Variants in SCAMP1 observed in about 807,000 individuals in gnomAD.
SCAMP1 encodes the protein secretory carrier membrane protein 1, also known as secretory carrier-associated membrane protein 1.
Under a neutral mutation model 41.8 loss-of-function variants are expected in SCAMP1, and 15 were observed. The observed-to-expected ratio is 0.36, with a 90% CI of 0.24 to 0.55. SCAMP1 has a LOEUF of 0.55. Among genes scored for constraint, SCAMP1 ranks in the 20% least tolerant of loss-of-function variants. The pLI, the probability that SCAMP1 is intolerant of heterozygous loss-of-function variation, is 0.86. For missense variants in SCAMP1, 341 were observed against 412.6 expected, an observed-to-expected ratio of 0.83 and a Z score of 1.50; for synonymous variants, 135 against 136.8, an observed-to-expected ratio of 0.99 and a Z score of 0.09.
intron 2 of SCAMP1, among the ~76,000 whole-genome samples, chr5:78,414,663 A>G (rs1752165444): frequency 6.6e-6 from 1 of 152,236 alleles, no homozygotes; most frequent in South Asian, 2.1e-4. Context: ...ATGTATATAC[A>G]GTAATTTAAC....
At chr5:78,451,381 A>G (rs1753221748) in intron 7 of SCAMP1, among the ~76,000 whole-genome samples, 1 of 152,234 alleles carries the variant, frequency 6.6e-6, no homozygotes, top group South Asian at 2.1e-4. Context: ...TATAAATACC[A>G]AGATCTTGAC....
intron 6 of SCAMP1, 116 bp downstream of exon 6, chr5:78,422,076 TAAC>T: frequency 1.2e-6 from 1 of 854,958 alleles, no homozygotes; most frequent in Non-Finnish European, 1.8e-6. Context: ...TATTGTTGTG[TAAC>T]ATACCTTCAG....
At chr5:78,396,744 A>T (rs1294513592) in intron 2 of SCAMP1, among the ~76,000 whole-genome samples, 1 of 152,182 alleles carries the variant, frequency 6.6e-6, no homozygotes, top group East Asian at 1.9e-4. Flanking sequence ...AATAAAGGAG[A>T]CTGAGAAGAA....
At chr5:78,364,815 A>G (rs1476621153) in intron 1 of SCAMP1, among the ~76,000 whole-genome samples, 1 of 143,944 alleles carries the variant, frequency 6.9e-6, no homozygotes, top group Non-Finnish European at 1.5e-5. Flanking sequence ...GTTCTCACTC[A>G]TAGGTGGGAA....
At chr5:78,474,644 A>G (rs1370510597) in intron 8 of SCAMP1, among the ~76,000 whole-genome samples, 1 of 152,136 alleles carries the variant, frequency 6.6e-6, no homozygotes, top group Non-Finnish European at 1.5e-5. Flanking sequence ...CTTTGATTGC[A>G]TTCCAGTCAA....
chr5:78,459,582 A>G (rs192189802), intron 8 of SCAMP1, among the ~76,000 whole-genome samples: 1 of 152,300 alleles, frequency 6.6e-6, no homozygotes, highest in African/African-American at 2.4e-5. Flanking sequence ...TTTTAAAATC[A>G]TTTTAACTGA....
At chr5:78,378,238 A>G (rs906340939) in intron 1 of SCAMP1, among the ~76,000 whole-genome samples, 2 of 152,248 alleles carry the variant, frequency 1.3e-5, no homozygotes, top group Non-Finnish European at 2.9e-5. Context: ...TAGCTGTACA[A>G]TAATCATCCA....
At chr5:78,460,816 C>CTTTCTTTCTTTCTTTCTTTCTTTTCTTT (rs1325107681) in intron 8 of SCAMP1, among the ~76,000 whole-genome samples, 1 of 26,746 alleles carries the variant, frequency 3.7e-5, no homozygotes, top group East Asian at 8.3e-4. Flanking sequence ...TCCCTTCCTT[C>CTTTCTTTCTTTCTTTCTTTCTTTTCTTT]CTTCCTTTCT....
chr5:78,452,960 T>A (rs917699289), intron 7 of SCAMP1, among the ~76,000 whole-genome samples: 127 of 149,426 alleles, frequency 8.5e-4, no homozygotes, highest in African/African-American at 3.0e-3. Context: ...TTTTCATGTG[T>A]TTTTTGGCTG....
At chr5:78,442,053 C>T (rs1752936962) in intron 6 of SCAMP1, among the ~76,000 whole-genome samples, 1 of 152,108 alleles carries the variant, frequency 6.6e-6, no homozygotes, top group African/African-American at 2.4e-5. Context: ...TGATTGAGCC[C>T]AAGAGGTTGA....
intron 8 of SCAMP1, among the ~76,000 whole-genome samples, chr5:78,461,952 A>G (rs1753626016): frequency 6.6e-6 from 1 of 152,120 alleles, no homozygotes; most frequent in Non-Finnish European, 1.5e-5. Flanking sequence ...GTTCCATATG[A>G]ATTTTAGAAT....
chr5:78,462,975 CTATG>C (rs1201355114), intron 8 of SCAMP1, among the ~76,000 whole-genome samples: 1 of 151,878 alleles, frequency 6.6e-6, no homozygotes, highest in African/African-American at 2.4e-5. Context: ...TTACTTGAGA[CTATG>C]TATGAGGAAT....
intron 2 of SCAMP1, among the ~76,000 whole-genome samples, chr5:78,391,693 C>T (rs1325045578): frequency 6.6e-6 from 1 of 152,226 alleles, no homozygotes; most frequent in African/African-American, 2.4e-5. Flanking sequence ...CGAGATCACG[C>T]CACCGCACTC....
chr5:78,401,520 C>T (rs554728933), intron 2 of SCAMP1, among the ~76,000 whole-genome samples: 2 of 151,972 alleles, frequency 1.3e-5, no homozygotes, highest in South Asian at 4.1e-4. Context: ...AAATAGAGGC[C>T]TATTTAGATA....
intron 1 of SCAMP1, among the ~76,000 whole-genome samples, chr5:78,363,911 A>G (rs1750727669): frequency 6.6e-6 from 1 of 152,242 alleles, no homozygotes; most frequent in Admixed American, 6.5e-5. Flanking sequence ...GCATCAAGAA[A>G]CTTGGAATAA....
intron 2 of SCAMP1, among the ~76,000 whole-genome samples, chr5:78,406,781 G>GTATTTAAA (rs1483397581): frequency 6.6e-6 from 1 of 152,178 alleles, no homozygotes; most frequent in Non-Finnish European, 1.5e-5. Flanking sequence ...ATTTAAGCAT[G>GTATTTAAA]TAGTCTATTC....
At chr5:78,369,100 G>A (rs1364380461) in intron 1 of SCAMP1, among the ~76,000 whole-genome samples, 1 of 151,434 alleles carries the variant, frequency 6.6e-6, no homozygotes, top group Non-Finnish European at 1.5e-5. Context: ...GAATAGTCAG[G>A]ACACACAATT....
At chr5:78,410,443 AG>A (rs1752047208) in intron 2 of SCAMP1, among the ~76,000 whole-genome samples, 1 of 152,142 alleles carries the variant, frequency 6.6e-6, no homozygotes. Flanking sequence ...GCTGGCTTCC[AG>A]CTTCATCGAT....
At chr5:78,427,512 C>T (rs945022390) in intron 6 of SCAMP1, among the ~76,000 whole-genome samples, 2 of 152,060 alleles carry the variant, frequency 1.3e-5, no homozygotes, top group Admixed American at 1.3e-4. Context: ...ATTCATTTCT[C>T]TTGAATATAT....
Sources: allele counts gnomAD v4.1 joint callset (sites outside exome capture counted in the v4.1 genomes callset), GRCh38; gene constraint gnomAD v4.1.1; transcripts MANE v1.5; gene names NCBI Gene and HGNC (gene_info 2026-07-23, HGNC 2026-07-21).